The following CSMD1 variants were observed in gnomAD, a reference collection of about 807,000 sequenced individuals.
The protein encoded by CSMD1 is CUB and sushi domain-containing protein 1.
CSMD1 carries 213 observed loss-of-function variants against 417.5 expected under a neutral mutation model. The ratio of observed to expected loss-of-function variants is 0.51; its 90% confidence interval spans 0.46 to 0.57. CSMD1 has a LOEUF of 0.57. CSMD1 is among the 20% of genes least tolerant of loss of function. The probability of loss-of-function intolerance (pLI) is 0.00; values close to 1 mark genes in which losing one functional copy is unlikely to be tolerated. For synonymous variants in CSMD1, 2,862 were observed against 1,736.8 expected, an observed-to-expected ratio of 1.65 and a Z score of -16.11; for missense variants, 6,923 against 4,529.7, an observed-to-expected ratio of 1.53 and a Z score of -15.17.
chr8:3,037,306 C>T (rs369833265), intron 50 of CSMD1, among the ~76,000 whole-genome samples: 1,513 of 147,896 alleles, frequency 0.01, 26 homozygotes, highest in Non-Finnish European at 0.018. Context: ...CCTGGGTTCA[C>T]GCCATTCTCC....
chr8:4,558,152 C>A (rs1585247265), intron 2 of CSMD1, among the ~76,000 whole-genome samples: 2 of 152,122 alleles, frequency 1.3e-5, no homozygotes, highest in African/African-American at 4.8e-5. Context: ...AGAAGTTAAT[C>A]TGTGGGAAAA....
intron 25 of CSMD1, among the ~76,000 whole-genome samples, chr8:3,292,938 T>G (rs1803686640): frequency 6.6e-6 from 1 of 152,252 alleles, no homozygotes; most frequent in South Asian, 2.1e-4. Context: ...TCTTTACATT[T>G]TGGCATGATT....
intron 3 of CSMD1, among the ~76,000 whole-genome samples, chr8:4,236,499 C>G (rs965468237): frequency 6.6e-6 from 1 of 152,116 alleles, no homozygotes; most frequent in Non-Finnish European, 1.5e-5. Context: ...GAGTAGGAAT[C>G]TGAGATGATT....
At chr8:3,166,402 T>C (rs530673588) in intron 37 of CSMD1, among the ~76,000 whole-genome samples, 1 of 152,014 alleles carries the variant, frequency 6.6e-6, no homozygotes, top group Admixed American at 6.5e-5. Flanking sequence ...GGCGTGGTGG[T>C]GTGCACCTGT....
At chr8:4,859,875 G>A (rs1271876901) in intron 1 of CSMD1, among the ~76,000 whole-genome samples, 1 of 152,034 alleles carries the variant, frequency 6.6e-6, no homozygotes, top group African/African-American at 2.4e-5. Context: ...ATGTAGAACT[G>A]GAAATACCAT....
At chr8:4,262,349 G>C (rs1803945184) in intron 3 of CSMD1, among the ~76,000 whole-genome samples, 2 of 152,034 alleles carry the variant, frequency 1.3e-5, no homozygotes, top group African/African-American at 4.8e-5. Context: ...CTGCAATCTG[G>C]GATTCCCAGG....
intron 2 of CSMD1, among the ~76,000 whole-genome samples, chr8:4,521,324 G>C (rs1019546491): frequency 2.6e-5 from 4 of 152,102 alleles, no homozygotes; most frequent in African/African-American, 7.2e-5. Flanking sequence ...GATAGGAAAT[G>C]GGAAGATGAG....
chr8:4,554,601 C>A (rs1798010037), intron 2 of CSMD1, among the ~76,000 whole-genome samples: 1 of 152,056 alleles, frequency 6.6e-6, no homozygotes, highest in Non-Finnish European at 1.5e-5. Flanking sequence ...TATCATACAC[C>A]GTTCTCAGGA....
rs1317481915 is a variant in CSMD1 at position 4,850,378 on chromosome 8, T to TTA, written c.85+143952_85+143953dup. Among the ~76,000 whole-genome samples the TTA allele has an allele frequency of 1.7e-3, 236 of 138,962 alleles. 1 individual carries two copies. Among genetic ancestry groups the TTA allele is most frequent in the African/African-American group, 4.8e-3 (179 of 37,362 alleles). The allele number at this position is 138,962 out of a possible 152,430, so 91.2% of individuals were successfully genotyped here. A position where few individuals can be genotyped will look rare whatever the true frequency, so the allele number is the denominator to read the frequency against. ...TGTTTTTATTTTGATGAAATCCAATTTATCTTTTTTTTTTTTTTTTTTTTT... is the reference window on the plus strand; with the variant it reads ...TGTTTTTATTTTGATGAAATCCAATTTATATCTTTTTTTTTTTTTTTTTTTTT... On this transcript the variant is annotated intron_variant, in intron 1 of 69. Coordinates refer to ENST00000635120, the MANE Select transcript of CSMD1 (RefSeq NM_033225.6).
Position 4,748,348 on chromosome 8 carries a change from T to G in CSMD1, c.86-110790A>C, listed in dbSNP as rs79737412. On this transcript the variant is annotated intron_variant, in intron 1 of 69. Coordinates refer to ENST00000635120, the MANE Select transcript of CSMD1 (RefSeq NM_033225.6). ...GTTGGAAATGTGTGCATATGGAAATTTGTTTTCTTAGCATGGTTTTCTGCT... is the reference window on the plus strand; with the variant it reads ...GTTGGAAATGTGTGCATATGGAAATGTGTTTTCTTAGCATGGTTTTCTGCT... Among the ~76,000 whole-genome samples the G allele has an allele frequency of 1.5e-4, 23 of 152,344 alleles. No homozygotes were observed. In the East Asian group the frequency reaches 2.5e-3, roughly 17 times the overall value.
intron 2 of CSMD1, among the ~76,000 whole-genome samples, chr8:4,578,234 C>G (rs1799230410): frequency 6.6e-6 from 1 of 151,702 alleles, no homozygotes; most frequent in South Asian, 2.1e-4. Context: ...GATCTCGGCT[C>G]ACTGCAAGCT....
At chr8:4,405,652 C>T (rs758298019) in intron 3 of CSMD1, among the ~76,000 whole-genome samples, 4 of 152,184 alleles carry the variant, frequency 2.6e-5, no homozygotes, top group Non-Finnish European at 5.9e-5. Context: ...ATTGCATTAT[C>T]CTCGCATGAG....
At chr8:4,630,236 T>A (rs533959236) in intron 2 of CSMD1, among the ~76,000 whole-genome samples, 4 of 151,230 alleles carry the variant, frequency 2.6e-5, no homozygotes, top group Non-Finnish European at 4.4e-5. Context: ...CATTTTATCC[T>A]TTTTCTTAAC....
chr8:4,361,724 A>G (rs143499623), intron 3 of CSMD1, among the ~76,000 whole-genome samples: 1 of 151,624 alleles, frequency 6.6e-6, no homozygotes, highest in Non-Finnish European at 1.5e-5. Flanking sequence ...GGGAGGCCGA[A>G]GTGGGCGGAT....
intron 3 of CSMD1, among the ~76,000 whole-genome samples, chr8:4,078,861 A>T (rs2740934): frequency 1.4e-5 from 2 of 138,850 alleles, no homozygotes; most frequent in Non-Finnish European, 1.5e-5. Context: ...CGTAGTGAAA[A>T]CCTGTCTCTA....
intron 5 of CSMD1, among the ~76,000 whole-genome samples, chr8:3,890,943 C>A (rs180857896): frequency 1.3e-5 from 2 of 152,272 alleles, no homozygotes. Flanking sequence ...TCATACGACT[C>A]TCATACGACT....
chr8:2,964,508 G>A (rs1206008360), intron 59 of CSMD1, among the ~76,000 whole-genome samples: 1 of 152,150 alleles, frequency 6.6e-6, no homozygotes, highest in African/African-American at 2.4e-5. Context: ...GAGAGAAAGA[G>A]GTCCCATCTG....
chr8:3,649,908 G>T (rs374877850), intron 7 of CSMD1, among the ~76,000 whole-genome samples: 1 of 152,054 alleles, frequency 6.6e-6, no homozygotes, highest in Non-Finnish European at 1.5e-5. Context: ...CCAGAGCTTT[G>T]TGCATGGTAT....
chr8:3,666,646 G>C (rs1239332882), intron 7 of CSMD1, among the ~76,000 whole-genome samples: 3 of 152,098 alleles, frequency 2.0e-5, no homozygotes, highest in African/African-American at 7.2e-5. Context: ...TTGAATCATG[G>C]GGGCAGTTTC....
Sources: allele counts gnomAD v4.1 joint callset (sites outside exome capture counted in the v4.1 genomes callset), GRCh38; gene constraint gnomAD v4.1.1; transcripts MANE v1.5; gene names NCBI Gene and HGNC (gene_info 2026-07-23, HGNC 2026-07-21).